Variants in YKT6 observed in about 807,000 individuals in gnomAD.
The protein encoded by YKT6 is synaptobrevin homolog YKT6.
In YKT6, 12 loss-of-function variants were observed where a neutral mutation model predicts 29.3. The observed-to-expected ratio is 0.41, with a 90% CI of 0.26 to 0.66. The LOEUF is 0.66. Among genes scored for constraint, YKT6 ranks in the 30% least tolerant of loss-of-function variants. The pLI is 0.32. For synonymous variants in YKT6, 86 were observed against 94.3 expected (o/e 0.91, Z 0.51); for missense variants, 188 against 243.8 (o/e 0.77, Z 1.52).
intron 1 of YKT6, among the ~76,000 whole-genome samples, chr7:44,202,809 GCTC>G (rs1280045495): frequency 6.6e-6 from 1 of 152,140 alleles, no homozygotes; most frequent in Non-Finnish European, 1.5e-5. Flanking sequence ...TTATCTTTTA[GCTC>G]CTTCTTGGGG....
At chr7:44,204,742 C>G in intron 2 of YKT6, 92 bp downstream of exon 2, 1 of 1,149,162 alleles carries the variant, frequency 8.7e-7, no homozygotes, top group Non-Finnish European at 1.3e-6. Flanking sequence ...CTACTGGGAC[C>G]CTACTCCTCC....
At chr7:44,205,546 C>T (rs2096339985) in intron 2 of YKT6, among the ~76,000 whole-genome samples, 1 of 152,236 alleles carries the variant, frequency 6.6e-6, no homozygotes, top group South Asian at 2.1e-4. Context: ...GGCTCACCAT[C>T]ATTCCCTCCT....
At position 44,206,363 on chromosome 7, in the gene YKT6, G is replaced by A. The variant is rs751041176; in HGVS notation, c.188-22G>A. 5.6e-6 allele frequency: 9 copies of A among 1,611,770 alleles called. 1 individual carries two copies. The South Asian group carries it at 9.9e-5, about 18-fold the overall frequency. Reference sequence around the variant, plus strand: ...GAAGCCCTCATGTCAGCATCCATGTGTCTGATCTCTTGTCTCCTTAGACTA... The same window carrying A: ...GAAGCCCTCATGTCAGCATCCATGTATCTGATCTCTTGTCTCCTTAGACTA... On this transcript the variant is annotated intron_variant, in intron 2 of 6. Coordinates refer to ENST00000223369, the MANE Select transcript of YKT6 (RefSeq NM_006555.4).
At position 44,201,038 on chromosome 7, in the gene YKT6, G is replaced by C. The variant is rs911221738; in HGVS notation, c.-98G>C. 1.9e-6 allele frequency: 2 copies of C among 1,036,844 alleles called. No individual in the cohort carries two copies. Among genetic ancestry groups the C allele is most frequent in the South Asian group, 3.5e-5 (2 of 57,154 alleles). 64.2% of individuals were successfully genotyped at this position (1,036,844 alleles called of 1,614,324 possible). On this transcript the variant is annotated 5_prime_UTR_variant, in exon 1 of 7. Coordinates refer to ENST00000223369, the MANE Select transcript of YKT6 (RefSeq NM_006555.4). ...CCCGTCAGCAGCCGGCTGCTGAGAG[G>C]CCGGTAGGCGGCGGCGGTCCCGAGG... is the stretch of plus-strand genomic sequence containing the variant.
At position 44,211,117 on chromosome 7, in the gene YKT6, A is replaced by G; in HGVS notation, c.554A>G (p.Tyr185Cys). ...CTGGGAACACAGTCTAAAGCCTTCT[A>G]TAAAACTGTGAGTACCCAGCACCTG... ...EVLGTQSKAF[Y>C]KTARKQNSCC... Residue 185 changes from tyrosine to cysteine, a missense_variant, in exon 6 of 7, where the codon TAT (tyrosine) becomes TGT (cysteine). Coordinates refer to ENST00000223369, the MANE Select transcript of YKT6 (RefSeq NM_006555.4). 6 of 1,613,838 alleles carry G rather than the reference A, an allele frequency of 3.7e-6. No individual in the cohort carries two copies. The highest frequency in any genetic ancestry group is 5.1e-6 in the Non-Finnish European group (6 of 1,179,966).
intron 2 of YKT6, among the ~76,000 whole-genome samples, chr7:44,205,937 T>C (rs1291527710): frequency 3.9e-5 from 6 of 152,216 alleles, no homozygotes; most frequent in Admixed American, 1.3e-4. Flanking sequence ...TCCTGTCTTT[T>C]GGCTGCTCTG....
Position 44,212,467 on chromosome 7 carries a change from G to C in YKT6, c.*185G>C. On this transcript the variant is annotated 3_prime_UTR_variant, in exon 7 of 7. Coordinates refer to ENST00000223369, the MANE Select transcript of YKT6 (RefSeq NM_006555.4). Reference sequence around the variant, plus strand: ...GGCGAATGTTCAAATTCATATGTGTGGTAGTGATTCTTGGAAAGAATTTGA... The same window carrying C: ...GGCGAATGTTCAAATTCATATGTGTCGTAGTGATTCTTGGAAAGAATTTGA... 1 of 686,674 alleles carries C rather than the reference G, an allele frequency of 1.5e-6. No homozygotes were observed. The highest frequency in any genetic ancestry group is 2.3e-6 in the Non-Finnish European group (1 of 428,578). The allele number at this position is 686,674 out of a possible 1,614,324, so 42.5% of individuals were successfully genotyped here.
intron 2 of YKT6, 100 bp downstream of exon 2, chr7:44,204,750 T>A: frequency 9.5e-7 from 1 of 1,055,018 alleles, no homozygotes; most frequent in South Asian, 1.4e-5. Context: ...ACCCTACTCC[T>A]CCTCTAGCTT....
chr7:44,205,734 G>A (rs1476088744), intron 2 of YKT6, among the ~76,000 whole-genome samples: 1 of 152,164 alleles, frequency 6.6e-6, no homozygotes, highest in East Asian at 1.9e-4. Flanking sequence ...TGTGGATTGT[G>A]AATATTTTGC....
chr7:44,204,485 T>C (rs2096338867), intron 1 of YKT6, 83 bp from the exon 2 acceptor site: 2 of 1,330,252 alleles, frequency 1.5e-6, no homozygotes, highest in Non-Finnish European at 2.1e-6. Context: ...GTCTACTTAA[T>C]GTATAAGCCC....
At chr7:44,203,462 T>C (rs1246331392) in intron 1 of YKT6, among the ~76,000 whole-genome samples, 1 of 152,210 alleles carries the variant, frequency 6.6e-6, no homozygotes, top group Non-Finnish European at 1.5e-5. Flanking sequence ...GATTCCAAAG[T>C]TGAAAAAGTA....
In YKT6 at chr7:44,210,304, TG is replaced by T. The variant is rs550090336; in HGVS notation, c.460-718del. ...GCCTGGCTGGTGTCTTTTGGGGCTCTGAGTGTCTGTCCCAGGCCTCTCTCCA... is the reference window on the plus strand; with the variant it reads ...GCCTGGCTGGTGTCTTTTGGGGCTCTAGTGTCTGTCCCAGGCCTCTCTCCA... On this transcript the variant is annotated intron_variant, in intron 5 of 6. Coordinates refer to ENST00000223369, the MANE Select transcript of YKT6 (RefSeq NM_006555.4). Among the ~76,000 whole-genome samples, 259 of 152,340 alleles carry T rather than the reference TG, an allele frequency of 1.7e-3. 1 individual carries two copies. The highest frequency in any genetic ancestry group is 6.0e-3 in the African/African-American group (250 of 41,582).
intron 2 of YKT6, 130 bp from the exon 3 acceptor site, chr7:44,206,255 C>T (rs886252753): frequency 2.3e-6 from 2 of 873,232 alleles, no homozygotes; most frequent in African/African-American, 3.3e-5. Flanking sequence ...CTCCACAAGA[C>T]TTGCCCAGAG....
At chr7:44,204,764 C>T in intron 2 of YKT6, 114 bp downstream of exon 2, 1 of 893,760 alleles carries the variant, frequency 1.1e-6, no homozygotes, top group East Asian at 2.6e-5. Context: ...CTAGCTTGTT[C>T]TCTCTTTCCC....
intron 5 of YKT6, among the ~76,000 whole-genome samples, chr7:44,209,597 A>G (rs974034990): frequency 5.9e-5 from 9 of 152,208 alleles, no homozygotes; most frequent in Non-Finnish European, 1.3e-4. Context: ...ATTGGTGTGC[A>G]TATCTGAATC....
At position 44,214,105 on chromosome 7, in the gene YKT6, G is replaced by C. The variant is rs1442504565; in HGVS notation, c.*1823G>C. The C allele has an allele frequency of 1.3e-5, 2 of 152,216 alleles. No homozygotes were observed. The highest frequency in any genetic ancestry group is 4.8e-5 in the African/African-American group (2 of 41,432). 9.4% of individuals were successfully genotyped at this position (152,216 alleles called of 1,614,324 possible). Reference sequence around the variant, plus strand: ...CCGCTTGCAGGTCAGCCCCTGCCTTGCAGGGCGGGCTGGCTTGACTCAGGC... The same window carrying C: ...CCGCTTGCAGGTCAGCCCCTGCCTTCCAGGGCGGGCTGGCTTGACTCAGGC... On this transcript the variant is annotated 3_prime_UTR_variant, in exon 7 of 7. Transcript: ENST00000223369.
chr7:44,206,212 G>A (rs1382081516), intron 2 of YKT6, among the ~76,000 whole-genome samples, 173 bp from the exon 3 acceptor site: 3 of 152,234 alleles, frequency 2.0e-5, no homozygotes, highest in African/African-American at 7.2e-5. Context: ...CCAAGCTCCT[G>A]TGTGTGGCCC....
At chr7:44,210,882 G>A (rs762775457) in intron 5 of YKT6, 141 bp from the exon 6 acceptor site, 3 of 762,392 alleles carry the variant, frequency 3.9e-6, no homozygotes, top group African/African-American at 1.7e-5. Flanking sequence ...TTCTTGGACC[G>A]AGTCTCGACA....
At chr7:44,206,318 G>T in intron 2 of YKT6, 67 bp from the exon 3 acceptor site, 1 of 1,504,306 alleles carries the variant, frequency 6.6e-7, no homozygotes. Flanking sequence ...GCTTTGATTT[G>T]GGGGGATTAA....
Sources: allele counts gnomAD v4.1 joint callset (sites outside exome capture counted in the v4.1 genomes callset), GRCh38; gene constraint gnomAD v4.1.1; transcripts MANE v1.5; gene names NCBI Gene and HGNC (gene_info 2026-07-23, HGNC 2026-07-21).